Variants in PCSK5 observed in about 807,000 individuals in gnomAD.
The protein encoded by PCSK5 is proprotein convertase subtilisin/kexin type 5.
PCSK5 carries 129 observed loss-of-function variants against 233.2 expected under a neutral mutation model. The observed-to-expected ratio is 0.55, with a 90% CI of 0.48 to 0.64. The LOEUF (loss-of-function observed/expected upper bound fraction) is 0.64. Ranked by LOEUF, PCSK5 falls within the 30% of genes least tolerant of loss-of-function variation. PCSK5 has a pLI of 0.00. For synonymous variants in PCSK5, 825 were observed against 879.2 expected (o/e 0.94, Z 1.09); for missense variants, 2,076 against 2,430.1 (o/e 0.85, Z 3.06).
rs755432415 is a variant in PCSK5 at position 76,293,113 on chromosome 9, C to T, written c.3185+838C>T. The stretch of plus-strand genomic sequence containing the variant: ...GCTACTGACAGGTCTACATTTGCGA[C>T]ATTTGGCCTTTGGCGGGTCACCTCC... On this transcript the variant is annotated intron_variant, in intron 25 of 37. Coordinates refer to ENST00000674117, the MANE Select transcript of PCSK5 (RefSeq NM_001372043.1). Among the ~76,000 whole-genome samples the T allele has an allele frequency of 4.1e-4, 63 of 152,296 alleles. 1 individual carries two copies. The highest frequency in any genetic ancestry group is 1.2e-3 in the South Asian group (6 of 4,828).
At chr9:76,351,499 A>AGAAAGAAAGAAG (rs1830141385) in intron 36 of PCSK5, among the ~76,000 whole-genome samples, 1 of 57,656 alleles carries the variant, frequency 1.7e-5, no homozygotes, top group Non-Finnish European at 4.9e-5. Context: ...AAAGAAAGAA[A>AGAAAGAAAGAAG]GAAAGAAAGA....
intron 26 of PCSK5, among the ~76,000 whole-genome samples, chr9:76,296,388 AAT>A (rs546610552): frequency 5.3e-5 from 8 of 152,266 alleles, no homozygotes; most frequent in Admixed American, 3.3e-4. Context: ...CTCTACTAAA[AAT>A]ATATAAGCCG....
intron 3 of PCSK5, among the ~76,000 whole-genome samples, chr9:75,992,582 CACACACAT>C (rs1826815291): frequency 6.8e-6 from 1 of 146,292 alleles, no homozygotes; most frequent in South Asian, 2.1e-4. Flanking sequence ...TACACACACA[CACACACAT>C]ACACACACAT....
intron 5 of PCSK5, among the ~76,000 whole-genome samples, chr9:76,029,993 A>G (rs1204127049): frequency 1.3e-5 from 2 of 152,110 alleles, no homozygotes; most frequent in African/African-American, 2.4e-5. Flanking sequence ...GAATACTCAA[A>G]AAAAGTTTCT....
chr9:76,123,994 C>A (rs923925426), intron 9 of PCSK5, among the ~76,000 whole-genome samples: 4 of 151,902 alleles, frequency 2.6e-5, no homozygotes, highest in Non-Finnish European at 5.9e-5. Flanking sequence ...TATTTTAGGA[C>A]AAGTCTAGGG....
chr9:76,044,000 G>T (rs1829260270), intron 5 of PCSK5, among the ~76,000 whole-genome samples: 1 of 151,910 alleles, frequency 6.6e-6, no homozygotes, highest in Non-Finnish European at 1.5e-5. Flanking sequence ...ATTAGGGACA[G>T]TTTTTTTTAA....
intron 8 of PCSK5, among the ~76,000 whole-genome samples, chr9:76,105,029 T>C (rs1831919995): frequency 6.6e-6 from 1 of 152,170 alleles, no homozygotes; most frequent in African/African-American, 2.4e-5. Context: ...GCAATTCCTC[T>C]TCTGGAATTA....
At position 76,361,478 on chromosome 9, in the gene PCSK5, G is replaced by A. The variant is rs1830431173; in HGVS notation, c.*2556G>A. The A allele has an allele frequency of 6.6e-6, 1 of 152,162 alleles. No individual in the cohort carries two copies. The highest frequency in any genetic ancestry group is 1.5e-5 in the Non-Finnish European group (1 of 68,064). 9.4% of individuals were successfully genotyped at this position (152,162 alleles called of 1,614,324 possible). ...CAGGAGGATTGCTGACCCACCACCT[G>A]TTCTTGAGCCCAGGAGTTCGACATC... is the stretch of plus-strand genomic sequence containing the variant. On this transcript the variant is annotated 3_prime_UTR_variant, in exon 38 of 38. Transcript: ENST00000674117.
chr9:76,331,254 G>A (rs1200534888), intron 33 of PCSK5, among the ~76,000 whole-genome samples: 1 of 152,140 alleles, frequency 6.6e-6, no homozygotes, highest in Non-Finnish European at 1.5e-5. Flanking sequence ...TCCTGTAAAT[G>A]TATTACTCTA....
At chr9:76,346,807 G>A (rs1040511524) in intron 35 of PCSK5, among the ~76,000 whole-genome samples, 1 of 152,058 alleles carries the variant, frequency 6.6e-6, no homozygotes, top group Non-Finnish European at 1.5e-5. Context: ...AAATGAGGAG[G>A]CATGAAAGAA....
chr9:75,977,557 CAG>C (rs1223106352), intron 2 of PCSK5, among the ~76,000 whole-genome samples: 3 of 148,848 alleles, frequency 2.0e-5, no homozygotes, highest in African/African-American at 7.4e-5. Context: ...ACCAGTAAGA[CAG>C]GTAAGGTGGA....
intron 2 of PCSK5, among the ~76,000 whole-genome samples, chr9:75,959,901 G>GTGA (rs1328985550): frequency 6.6e-6 from 1 of 152,242 alleles, no homozygotes; most frequent in Non-Finnish European, 1.5e-5. Context: ...AGTGCTCACT[G>GTGA]TGGGTCTGTG....
intron 10 of PCSK5, among the ~76,000 whole-genome samples, chr9:76,144,893 C>T (rs946020600): frequency 5.3e-5 from 8 of 152,170 alleles, no homozygotes; most frequent in South Asian, 4.1e-4. Flanking sequence ...TTTGGGAGGC[C>T]GAAGTGGGCG....
At chr9:76,205,236 C>A (rs2131276044) in intron 20 of PCSK5, 1 of 518,970 alleles carries the variant, frequency 1.9e-6, no homozygotes, top group Admixed American at 1.9e-5. Context: ...CCCTCCACCT[C>A]CCGCTTCCAG....
chr9:76,035,420 T>A (rs574372750), intron 5 of PCSK5, among the ~76,000 whole-genome samples: 1 of 152,304 alleles, frequency 6.6e-6, no homozygotes, highest in South Asian at 2.1e-4. Flanking sequence ...ATCATGATGA[T>A]GCAGCCTTCA....
intron 36 of PCSK5, among the ~76,000 whole-genome samples, chr9:76,351,472 GA>G (rs1428432975): frequency 1.6e-5 from 1 of 61,062 alleles, no homozygotes; most frequent in African/African-American, 5.7e-5. Context: ...AAGAAAGAAA[GA>G]AAGAAAGAAA....
At chr9:76,337,763 T>G (rs577541082) in intron 34 of PCSK5, among the ~76,000 whole-genome samples, 7 of 152,094 alleles carry the variant, frequency 4.6e-5, no homozygotes, top group African/African-American at 1.4e-4. Context: ...TGTGAGCCAC[T>G]GCACCCAGCC....
At chr9:76,230,816 C>G (rs911153869) in intron 21 of PCSK5, among the ~76,000 whole-genome samples, 1 of 151,980 alleles carries the variant, frequency 6.6e-6, no homozygotes, top group Non-Finnish European at 1.5e-5. Flanking sequence ...CTCCCGTCAT[C>G]CCCAGATGAG....
At chr9:75,917,262 A>G (rs1433626445) in intron 1 of PCSK5, among the ~76,000 whole-genome samples, 4 of 152,138 alleles carry the variant, frequency 2.6e-5, no homozygotes, top group Admixed American at 6.6e-5. Context: ...ACAAAGACAC[A>G]TGGCCTGATG....
Sources: allele counts gnomAD v4.1 joint callset (sites outside exome capture counted in the v4.1 genomes callset), GRCh38; gene constraint gnomAD v4.1.1; transcripts MANE v1.5; gene names NCBI Gene and HGNC (gene_info 2026-07-23, HGNC 2026-07-21).